The following CHCHD5 variants were observed in gnomAD, a reference collection of about 807,000 sequenced individuals.
CHCHD5 encodes coiled-coil-helix-coiled-coil-helix domain-containing protein 5.
A neutral mutation model predicts 16.0 loss-of-function variants in CHCHD5; 10 were observed. The observed-to-expected ratio is 0.63, with a 90% CI of 0.39 to 1.06. CHCHD5 has a LOEUF of 1.06. Ranked by LOEUF, CHCHD5 falls within the 50% of genes least tolerant of loss-of-function variation. CHCHD5 has a pLI of 0.01. For missense variants in CHCHD5, 163 were observed against 153.4 expected, an observed-to-expected ratio of 1.06 and a Z score of -0.33; for synonymous variants, 55 against 56.3, an observed-to-expected ratio of 0.98 and a Z score of 0.10.
At chr2:112,587,718 C>T (rs2104605792) in intron 3 of CHCHD5, 1 of 152,312 alleles carries the variant, frequency 6.6e-6, no homozygotes, top group Non-Finnish European at 1.5e-5. Context: ...ATAGTTCAGA[C>T]CCCTAGGGCA....
chr2:112,586,152 G>A (rs1399582967), intron 2 of CHCHD5, 38 bp downstream of exon 2: 1 of 1,605,502 alleles, frequency 6.2e-7, no homozygotes, highest in Non-Finnish European at 8.5e-7. Context: ...TGGGGGGTGG[G>A]CAGTGGGGTG....
chr2:112,584,742 C>A (rs574329619), intron 1 of CHCHD5, 93 bp downstream of exon 1: 19 of 1,448,114 alleles, frequency 1.3e-5, no homozygotes, highest in Admixed American at 7.0e-5. Context: ...GGAACTAGGA[C>A]CAGCCTCCCT....
At chr2:112,585,259 T>C (rs1426471015) in intron 1 of CHCHD5, among the ~76,000 whole-genome samples, 1 of 152,166 alleles carries the variant, frequency 6.6e-6, no homozygotes, top group East Asian at 1.9e-4. Context: ...CCCCACCTCT[T>C]GGAGCTCTAA....
upstream of CHCHD5, chr2:112,584,532 T>A: frequency 7.7e-7 from 1 of 1,296,126 alleles, no homozygotes. Context: ...AACGGGGTTG[T>A]TAGTTCAATT....
chr2:112,585,006 C>T (rs985089769), intron 1 of CHCHD5: 3 of 320,146 alleles, frequency 9.4e-6, no homozygotes, highest in Non-Finnish European at 1.2e-5. Flanking sequence ...CTCCAGGTTC[C>T]TCCCCCTTGA....
chr2:112,584,829 C>G, intron 1 of CHCHD5, 180 bp downstream of exon 1: 1 of 699,466 alleles, frequency 1.4e-6, no homozygotes, highest in Non-Finnish European at 2.4e-6. Context: ...CAAGCCCCGC[C>G]CTCTAAGCGT....
intron 3 of CHCHD5, chr2:112,587,009 T>C (rs1015387183): frequency 5.5e-5 from 9 of 163,548 alleles, no homozygotes; most frequent in Admixed American, 2.9e-4. Context: ...AAAATGCTCT[T>C]TTAGATGTTT....
At chr2:112,588,291 C>CAA (rs1190688640) in intron 3 of CHCHD5, 5 of 97,906 alleles carry the variant, frequency 5.1e-5, no homozygotes, top group Non-Finnish European at 8.8e-5. Flanking sequence ...CTCTGTCTTC[C>CAA]AAAAAAAAAA....
rs777080847 is a variant in CHCHD5 at position 112,586,204 on chromosome 2, A to G, written c.148A>G (p.Ile50Val). 6.8e-6 allele frequency: 11 copies of G among 1,609,490 alleles called. No homozygotes were observed. In the East Asian group the frequency reaches 1.6e-4, roughly 23 times the overall value. Residue 50 changes from isoleucine to valine, a missense_variant, in exon 3 of 4, where the codon ATC becomes GTC. Transcript: ENST00000324913. ...SIAQCTSSHP[I>V]IRQIRQACAQ... Reference sequence around the variant, plus strand: ...TGAACTGCCCTACCCCCACAGCCCAATCATCCGCCAGATCCGCCAGGCCTG... The same window carrying G: ...TGAACTGCCCTACCCCCACAGCCCAGTCATCCGCCAGATCCGCCAGGCCTG...
chr2:112,586,475 A>G (rs1371033734), intron 3 of CHCHD5, 110 bp downstream of exon 3: 9 of 1,564,076 alleles, frequency 5.8e-6, no homozygotes, highest in Non-Finnish European at 6.9e-6. Flanking sequence ...CCCCATCACC[A>G]CACAGGCCTT....
rs540149313 is a variant in CHCHD5, at chr2:112,585,895, C to G, written c.3-79C>G. 1.5e-4 allele frequency: 230 copies of G among 1,510,410 alleles called. No individual in the cohort carries two copies. The African/African-American group carries it at 2.9e-3, about 19-fold the overall frequency. 93.6% of individuals were successfully genotyped at this position (1,510,410 alleles called of 1,614,324 possible). A position where few individuals can be genotyped will look rare whatever the true frequency, so the allele number is the denominator to read the frequency against. On this transcript the variant is annotated intron_variant, in intron 1 of 3. Transcript: ENST00000324913. ...CCTGGGCCACAGTGAGACCCTGTCT[C>G]TAAAAAATAAAAAAAAAAAAAAGAA...
Position 112,586,069 on chromosome 2 carries a change from A to T in CHCHD5, c.98A>T (p.Asp33Val). The T allele has an allele frequency of 6.2e-7, 1 of 1,614,120 alleles. No individual in the cohort carries two copies. The highest frequency in any genetic ancestry group is 8.5e-7 in the Non-Finnish European group (1 of 1,180,002). ...GCCAAGCCGGAATCCTGGCAGCGGGACTGTCACTACCTTAAGATGAGCATT... is the reference window on the plus strand; with the variant it reads ...GCCAAGCCGGAATCCTGGCAGCGGGTCTGTCACTACCTTAAGATGAGCATT... ...VAAKPESWQR[D>V]CHYLKMSIAQ... is the part of the protein sequence containing the mutation. Residue 33 changes from aspartate to valine, a missense_variant, in exon 2 of 4, where the codon GAC becomes GTC. Physicochemically the swap from Asp to Val is radical, Grantham distance 152. Coordinates refer to ENST00000324913, the MANE Select transcript of CHCHD5 (RefSeq NM_032309.4).
In CHCHD5 at chr2:112,586,339, C is replaced by T. The variant is rs749444681; in HGVS notation, c.283C>T (p.Pro95Ser). The change falls in exon 3 of 4, where the codon CCG becomes TCG. Residue 95 changes from proline to serine, a missense_variant. Pro to Ser is a moderately conservative substitution (Grantham distance 74). Coordinates refer to ENST00000324913, the MANE Select transcript of CHCHD5 (RefSeq NM_032309.4). Reference sequence around the variant, plus strand: ...CCTGCAGTGCGCTGAGCAGGTGCAGCCGCCACGCTCACCTGCAACTGTGGA... The same window carrying T: ...CCTGCAGTGCGCTGAGCAGGTGCAGTCGCCACGCTCACCTGCAACTGTGGA... The part of the protein sequence containing the change: ...RFLQCAEQVQ[P>S]PRSPATVEAQ... 178 of 1,614,116 alleles carry T rather than the reference C, an allele frequency of 1.1e-4. No homozygotes were observed. Among genetic ancestry groups the T allele is most frequent in the Non-Finnish European group, 1.5e-4 (177 of 1,180,042 alleles).
At position 112,586,259 on chromosome 2, in the gene CHCHD5, G is replaced by A. The variant is rs1685218209; in HGVS notation, c.203G>A (p.Cys68Tyr). The A allele has an allele frequency of 1.2e-6, 2 of 1,614,212 alleles. No homozygotes were observed. The highest frequency in any genetic ancestry group is 1.7e-6 in the Non-Finnish European group (2 of 1,180,008). Reference protein sequence around the residue: ...CAQPFEAFEECLRQNEAAVGN... With the variant: ...CAQPFEAFEEYLRQNEAAVGN... ...CAGCCTTTTGAGGCCTTCGAGGAGT[G>A]TCTTCGACAGAACGAGGCAGCTGTG... The change falls in exon 3 of 4, where the codon TGT (cysteine) becomes TAT (tyrosine). Residue 68 changes from cysteine (C) to tyrosine (Y), a missense_variant. Physicochemically the swap from Cys to Tyr is radical, Grantham distance 194. Transcript: ENST00000324913.
At chr2:112,588,691 A>G (rs1453261417) in intron 3 of CHCHD5, 175 bp from the exon 4 acceptor site, 2 of 576,946 alleles carry the variant, frequency 3.5e-6, no homozygotes, top group South Asian at 2.1e-5. Context: ...CCTGCCTCCC[A>G]TGACACTTCA....
Position 112,584,639 on chromosome 2 carries a change from G to C in CHCHD5, c.-9G>C. On this transcript the variant is annotated 5_prime_UTR_variant, in exon 1 of 4. Transcript: ENST00000324913. ...CCCCGGACAGCCCTACGCCGGCAAA[G>C]GTCTCGAGATGTGAGTAGTGAGAGC... 6.2e-7 allele frequency: 1 copy of C among 1,614,098 alleles called. No individual in the cohort carries two copies. The highest frequency in any genetic ancestry group is 8.5e-7 in the Non-Finnish European group (1 of 1,179,986).
upstream of CHCHD5, chr2:112,584,499 C>T (rs1482979364): frequency 4.2e-6 from 4 of 945,410 alleles, no homozygotes; most frequent in Admixed American, 6.4e-5. Flanking sequence ...AGGGCGCCGC[C>T]GTGACAGATT....
At chr2:112,585,363 T>C (rs978586654) in intron 1 of CHCHD5, among the ~76,000 whole-genome samples, 1 of 152,206 alleles carries the variant, frequency 6.6e-6, no homozygotes, top group Non-Finnish European at 1.5e-5. Context: ...CTTCTGTGCA[T>C]GATCCCCAGG....
chr2:112,585,084 C>T (rs961022817), intron 1 of CHCHD5, among the ~76,000 whole-genome samples: 1 of 152,190 alleles, frequency 6.6e-6, no homozygotes, highest in Non-Finnish European at 1.5e-5. Flanking sequence ...ATAGGGTCCA[C>T]AGACTTGTTC....
Sources: gnomAD v4.1 joint callset for allele counts (sites outside exome capture counted in the v4.1 genomes callset) on GRCh38, gnomAD v4.1.1 for gene constraint, MANE v1.5 for transcripts, NCBI Gene and HGNC (gene_info 2026-07-23, HGNC 2026-07-21) for gene names.